The following NLN variants were observed in gnomAD, a reference collection of about 807,000 sequenced individuals.
The protein encoded by NLN is neurolysin, mitochondrial.
A neutral mutation model predicts 79.9 loss-of-function variants in NLN; 64 were observed. The ratio of observed to expected loss-of-function variants is 0.80; its 90% CI spans 0.65 to 0.99. The LOEUF (loss-of-function observed/expected upper bound fraction) is 0.99. NLN is among the 50% of genes least tolerant of loss of function. The pLI is 0.00. For missense variants in NLN, 835 were observed against 858.7 expected (o/e 0.97, Z 0.34); for synonymous variants, 267 against 296.6 (o/e 0.90, Z 1.02).
intron 9 of NLN, among the ~76,000 whole-genome samples, chr5:65,800,444 G>A (rs965967694): frequency 1.2e-4 from 18 of 152,176 alleles, no homozygotes; most frequent in Admixed American, 9.8e-4. Context: ...GGGAGGCAGA[G>A]GCGGGCAGAT....
intron 12 of NLN, among the ~76,000 whole-genome samples, chr5:65,818,310 T>C (rs1760717122): frequency 6.6e-6 from 1 of 152,228 alleles, no homozygotes; most frequent in Non-Finnish European, 1.5e-5. Flanking sequence ...GCTTCACAAC[T>C]ATTTAATTTA....
intron 3 of NLN, among the ~76,000 whole-genome samples, chr5:65,766,234 A>G (rs999108813): frequency 1.2e-4 from 18 of 152,228 alleles, no homozygotes; most frequent in African/African-American, 4.1e-4. Flanking sequence ...TCACACTGCT[A>G]TAAAGAGTAC....
At chr5:65,820,722 T>TGTTTG (rs1554035364) in intron 12 of NLN, among the ~76,000 whole-genome samples, 37 of 151,098 alleles carry the variant, frequency 2.4e-4, no homozygotes, top group Non-Finnish European at 1.5e-5. Context: ...ACATGTTTTT[T>TGTTTG]TTTGTTTGTT....
At chr5:65,769,931 A>T (rs79807221) in intron 3 of NLN, among the ~76,000 whole-genome samples, 2 of 152,252 alleles carry the variant, frequency 1.3e-5, no homozygotes, top group Admixed American at 1.3e-4. Flanking sequence ...ATGTTCATCA[A>T]ACTAAAGTGA....
chr5:65,800,627 C>G (rs949239335), intron 9 of NLN, among the ~76,000 whole-genome samples: 2 of 151,844 alleles, frequency 1.3e-5, no homozygotes. Context: ...TGAGATTCTG[C>G]CACTGCACTC....
chr5:65,728,605 T>C (rs1406634594), intron 1 of NLN, among the ~76,000 whole-genome samples: 2 of 152,256 alleles, frequency 1.3e-5, no homozygotes, highest in Non-Finnish European at 2.9e-5. Context: ...CCTATACTGT[T>C]ACCAACATTG....
chr5:65,738,328 A>T (rs186656220), intron 1 of NLN, among the ~76,000 whole-genome samples: 12 of 152,114 alleles, frequency 7.9e-5, no homozygotes, highest in African/African-American at 1.2e-4. Flanking sequence ...TCATGCCATA[A>T]TCCCAGCACT....
At chr5:65,779,589 C>G (rs536828838) in intron 4 of NLN, among the ~76,000 whole-genome samples, 1 of 152,318 alleles carries the variant, frequency 6.6e-6, no homozygotes, top group South Asian at 2.1e-4. Context: ...GAATTGGAAA[C>G]AATTAGAAAT....
At chr5:65,811,254 T>A (rs1760538806) in intron 11 of NLN, among the ~76,000 whole-genome samples, 1 of 152,154 alleles carries the variant, frequency 6.6e-6, no homozygotes, top group Non-Finnish European at 1.5e-5. Flanking sequence ...GTCCGTTGAG[T>A]CATTCTAGGC....
intron 1 of NLN, among the ~76,000 whole-genome samples, chr5:65,749,807 CT>C (rs911826853): frequency 6.6e-6 from 1 of 152,158 alleles, no homozygotes; most frequent in African/African-American, 2.4e-5. Flanking sequence ...TTTAAACAGT[CT>C]TGTGGAAAAA....
chr5:65,766,497 C>T (rs985460106), intron 3 of NLN, among the ~76,000 whole-genome samples: 1 of 152,156 alleles, frequency 6.6e-6, no homozygotes, highest in Non-Finnish European at 1.5e-5. Context: ...CCCACCAGCT[C>T]CCTCCCTTGA....
intron 2 of NLN, 125 bp from the exon 3 acceptor site, chr5:65,762,835 T>C (rs1759366620): frequency 1.1e-6 from 1 of 898,250 alleles, no homozygotes; most frequent in South Asian, 1.9e-5. Flanking sequence ...TAGGAGGCTT[T>C]ACAGAAAGTA....
chr5:65,722,489 AC>A (rs1758336852), intron 1 of NLN, 75 bp downstream of exon 1: 2 of 1,347,112 alleles, frequency 1.5e-6, no homozygotes, highest in African/African-American at 1.5e-5. Context: ...TGGAGCCCGG[AC>A]CCACCCCTTC....
chr5:65,724,707 G>A (rs1758417918), intron 1 of NLN, among the ~76,000 whole-genome samples: 1 of 151,814 alleles, frequency 6.6e-6, no homozygotes, highest in African/African-American at 2.4e-5. Context: ...CCCATTGGCA[G>A]TACCTAAGGA....
chr5:65,735,117 G>T (rs193201693), intron 1 of NLN, among the ~76,000 whole-genome samples: 119 of 152,214 alleles, frequency 7.8e-4, no homozygotes, highest in African/African-American at 2.8e-3. Flanking sequence ...CACAAGATCT[G>T]ATGGTTTTAT....
intron 1 of NLN, among the ~76,000 whole-genome samples, chr5:65,731,158 G>A (rs1216274236): frequency 2.0e-5 from 3 of 152,156 alleles, no homozygotes; most frequent in Admixed American, 6.5e-5. Context: ...TTCCTGTGAC[G>A]TCTCGTCCTC....
intron 1 of NLN, 30 bp downstream of exon 1, chr5:65,722,444 C>G (rs201139520): frequency 7.1e-4 from 1,118 of 1,565,472 alleles, no homozygotes; most frequent in Non-Finnish European, 9.2e-4. Context: ...TAACCTTGGC[C>G]GTGGGCAGGG....
chr5:65,769,936 A>C (rs1296137054), intron 3 of NLN, among the ~76,000 whole-genome samples: 2 of 152,228 alleles, frequency 1.3e-5, no homozygotes, highest in East Asian at 3.8e-4. Context: ...CATCAAACTA[A>C]AGTGAGAAAC....
rs991667186 is a variant in NLN at position 65,765,160 on chromosome 5, A to G, written c.450+2052A>G. Among the ~76,000 whole-genome samples the G allele has an allele frequency of 2.6e-5, 4 of 152,232 alleles. No homozygotes were observed. The South Asian group carries it at 8.3e-4, about 32-fold the overall frequency. ...CACTTTGTGAGGCTGAGGCAGGCAG[A>G]TCACTTGAGCTCGGGAGTTCAAGAC... On this transcript the variant is annotated intron_variant, in intron 3 of 12. Coordinates refer to ENST00000380985, the MANE Select transcript of NLN (RefSeq NM_020726.5).
Sources: allele counts gnomAD v4.1 joint callset (sites outside exome capture counted in the v4.1 genomes callset), GRCh38; gene constraint gnomAD v4.1.1; transcripts MANE v1.5; gene names NCBI Gene and HGNC (gene_info 2026-07-23, HGNC 2026-07-21).